The following CDH23 variants were observed in gnomAD, a reference collection of about 807,000 sequenced individuals.
CDH23 encodes cadherin-23.
A neutral mutation model predicts 317.1 loss-of-function variants in CDH23; 189 were observed. The ratio of observed to expected loss-of-function variants is 0.60; its 90% CI spans 0.53 to 0.67. The LOEUF (loss-of-function observed/expected upper bound fraction) is 0.67, where lower values mean the gene tolerates loss of function less well. Ranked by LOEUF, CDH23 falls within the 30% of genes least tolerant of loss-of-function variation. CDH23 has a pLI of 0.00. For missense variants in CDH23, 4,401 were observed against 4,592.4 expected, an observed-to-expected ratio of 0.96 and a Z score of 1.20; for synonymous variants, 1,839 against 1,876.8, an observed-to-expected ratio of 0.98 and a Z score of 0.52.
chr10:71,790,864 C>T (rs1250191879), intron 46 of CDH23: 28 of 549,802 alleles, frequency 5.1e-5, no homozygotes, highest in Non-Finnish European at 8.8e-5. Context: ...ACCCTGTGCC[C>T]TGGGTCACTC....
At chr10:71,811,210 G>A in intron 62 of CDH23, 105 bp from the exon 63 acceptor site, 1 of 1,559,818 alleles carries the variant, frequency 6.4e-7, no homozygotes, top group African/African-American at 1.4e-5. Flanking sequence ...ATCTTGCAAG[G>A]CTTGGGGTTG....
intron 3 of CDH23, among the ~76,000 whole-genome samples, chr10:71,454,298 C>G (rs1036228031): frequency 6.6e-6 from 1 of 152,176 alleles, no homozygotes; most frequent in Admixed American, 6.5e-5. Context: ...TTGTAAAACC[C>G]TTAGAACTGT....
intron 30 of CDH23, among the ~76,000 whole-genome samples, chr10:71,725,903 A>T (rs1270732184): frequency 6.6e-6 from 1 of 152,106 alleles, no homozygotes; most frequent in Admixed American, 6.5e-5. Context: ...AGGCACAGAG[A>T]AGTTGCTAGT....
intron 14 of CDH23, 29 bp downstream of exon 14, chr10:71,646,646 T>A (rs1294951169): frequency 1.2e-6 from 2 of 1,613,990 alleles, no homozygotes; most frequent in Non-Finnish European, 1.7e-6. Context: ...GCAGGGCCAC[T>A]GAGCTCTCCA....
chr10:71,608,200 G>T (rs1318334907), intron 9 of CDH23, among the ~76,000 whole-genome samples: 1 of 152,172 alleles, frequency 6.6e-6, no homozygotes, highest in African/African-American at 2.4e-5. Flanking sequence ...CTTCACCAGG[G>T]TGTTGACGTA....
chr10:71,542,142 C>T (rs773335798), intron 6 of CDH23, among the ~76,000 whole-genome samples: 1 of 152,134 alleles, frequency 6.6e-6, no homozygotes, highest in Non-Finnish European at 1.5e-5. Context: ...AGGGATCGCT[C>T]AGTGTGTGAA....
At chr10:71,795,364 C>T (rs973304267) in intron 48 of CDH23, among the ~76,000 whole-genome samples, 7 of 152,100 alleles carry the variant, frequency 4.6e-5, no homozygotes, top group African/African-American at 1.7e-4. Flanking sequence ...TAGATAGAAC[C>T]AGCTACATCC....
chr10:71,542,920 G>A (rs1275410122), intron 6 of CDH23, among the ~76,000 whole-genome samples: 1 of 152,240 alleles, frequency 6.6e-6, no homozygotes, highest in Non-Finnish European at 1.5e-5. Context: ...GTGAGCCTAG[G>A]GGCTTTAGTG....
Position 71,802,997 on chromosome 10 carries a change from G to A in CDH23, c.7582G>A (p.Val2528Ile), listed in dbSNP as rs377468901. The change falls in exon 54 of 70, where the codon GTC (valine) becomes ATC (isoleucine). Residue 2528 changes from valine to isoleucine, a missense_variant. Transcript: ENST00000224721. Reference protein sequence around the residue: ...VYENEPAGTSVITMMATDQDE... With the variant: ...VYENEPAGTSIITMMATDQDE... The stretch of plus-strand genomic sequence containing the variant: ...TGAGAATGAGCCGGCGGGCACCTCG[G>A]TCATCACCATGATGGCCACTGACCA... The A allele has an allele frequency of 5.0e-6, 8 of 1,613,872 alleles. No individual in the cohort carries two copies. Among genetic ancestry groups the A allele is most frequent in the South Asian group, 1.1e-5 (1 of 91,090 alleles).
intron 38 of CDH23, chr10:71,748,342 C>G (rs994310195): frequency 1.3e-5 from 2 of 152,656 alleles, no homozygotes; most frequent in African/African-American, 4.8e-5. Context: ...GCACCTCCAC[C>G]CCAGCGCCCA....
chr10:71,615,869 C>T (rs1401732493), intron 10 of CDH23, among the ~76,000 whole-genome samples: 1 of 152,206 alleles, frequency 6.6e-6, no homozygotes, highest in Non-Finnish European at 1.5e-5. Flanking sequence ...GAACTTTTAT[C>T]CCCTCTCAGC....
At chr10:71,495,835 A>AG (rs1564615579) in intron 3 of CDH23, among the ~76,000 whole-genome samples, 2 of 149,480 alleles carry the variant, frequency 1.3e-5, no homozygotes, top group African/African-American at 5.1e-5. Flanking sequence ...AAAGAAAGAA[A>AG]GAAAGAAGGA....
chr10:71,572,828 C>T (rs974648694), intron 8 of CDH23, among the ~76,000 whole-genome samples: 1 of 152,198 alleles, frequency 6.6e-6, no homozygotes, highest in Non-Finnish European at 1.5e-5. Flanking sequence ...TACTTCTGAG[C>T]CCCCAGTAAT....
chr10:71,512,979 G>A (rs948278189), intron 6 of CDH23, among the ~76,000 whole-genome samples: 2 of 152,192 alleles, frequency 1.3e-5, no homozygotes, highest in Non-Finnish European at 1.5e-5. Flanking sequence ...CCAGCTTGCT[G>A]AATGTGTTTG....
intron 11 of CDH23, among the ~76,000 whole-genome samples, chr10:71,618,231 G>A (rs944691021): frequency 1.3e-5 from 2 of 152,156 alleles, no homozygotes; most frequent in Non-Finnish European, 2.9e-5. Flanking sequence ...TGCATCACCA[G>A]GGGGTCTACC....
chr10:71,483,489 C>T (rs988497531), intron 3 of CDH23, among the ~76,000 whole-genome samples: 1 of 152,190 alleles, frequency 6.6e-6, no homozygotes, highest in Non-Finnish European at 1.5e-5. Flanking sequence ...GCCAGTCTCT[C>T]TGCCCTGTTC....
intron 19 of CDH23, among the ~76,000 whole-genome samples, chr10:71,689,203 T>TGGTGGAGCCAACGG (rs1564734280): frequency 4.6e-5 from 2 of 43,724 alleles, no homozygotes; most frequent in Non-Finnish European, 4.4e-5. Context: ...GGAGCCAGGG[T>TGGTGGAGCCAACGG]TGGTGGAGTC....
intron 15 of CDH23, among the ~76,000 whole-genome samples, chr10:71,676,662 T>C (rs1389878508): frequency 1.3e-5 from 2 of 152,200 alleles, no homozygotes. Flanking sequence ...TAGGGGCATC[T>C]GTCCATTCTC....
intron 46 of CDH23, chr10:71,790,833 A>G (rs1011766446): frequency 4.0e-6 from 2 of 505,512 alleles, no homozygotes; most frequent in African/African-American, 3.8e-5. Flanking sequence ...AGGAAAGCAC[A>G]TCTGTCAACA....
Sources: allele counts gnomAD v4.1 joint callset (sites outside exome capture counted in the v4.1 genomes callset), GRCh38; gene constraint gnomAD v4.1.1; transcripts MANE v1.5; gene names NCBI Gene and HGNC (gene_info 2026-07-23, HGNC 2026-07-21).